Variants in SALL2 observed in about 807,000 individuals in gnomAD.
SALL2 encodes the protein spalt like transcription factor 2, also known as sal-like protein 2.
SALL2 carries 32 observed loss-of-function variants against 58.5 expected under a neutral mutation model. That is an observed-to-expected ratio of 0.55 (90% CI 0.41 to 0.74). SALL2 has a LOEUF of 0.74. SALL2 is among the 30% of genes least tolerant of loss of function. The probability of loss-of-function intolerance (pLI) is 0.00; values close to 1 mark genes in which losing one functional copy is unlikely to be tolerated. For missense variants in SALL2, 1,201 were observed against 1,268.9 expected, an observed-to-expected ratio of 0.95 and a Z score of 0.81; for synonymous variants, 516 against 513.6, an observed-to-expected ratio of 1.00 and a Z score of -0.06.
chr14:21,525,101 C>G lies in SALL2; in HGVS notation c.621G>C (p.Leu207Phe), dbSNP rs1343979966. The G allele has an allele frequency of 6.8e-6, 11 of 1,614,138 alleles. No homozygotes were observed. Among genetic ancestry groups the G allele is most frequent in the Non-Finnish European group, 8.5e-6 (10 of 1,180,000 alleles). The change falls in exon 2 of 2, where the codon TTG (leucine) becomes TTC (phenylalanine). Residue 207 changes from leucine to phenylalanine, a missense_variant. Transcript: ENST00000537235. This position sits in a 1 kb window ranked among gnomAD's most constrained non-coding sequence, Gnocchi z 4.4. ...MTEQICRQVL[L>F]LGSLGQTVGA... is the part of the protein sequence containing the mutation. Reference sequence around the variant, plus strand: ...CCACCGTCTGGCCTAAGGAGCCAAGCAACAGCACCTGCCTGCAGATTTGCT... The same window carrying G: ...CCACCGTCTGGCCTAAGGAGCCAAGGAACAGCACCTGCCTGCAGATTTGCT...
upstream of SALL2, chr14:21,526,490 A>T: frequency 8.0e-7 from 1 of 1,246,204 alleles, no homozygotes; most frequent in East Asian, 4.3e-5. Flanking sequence ...AGGCGCAGTG[A>T]CAGGTGCTGT....
At chr14:21,532,760 GAGA>G (rs1892499094) in intron 1 of SALL2, among the ~76,000 whole-genome samples, 1 of 151,756 alleles carries the variant, frequency 6.6e-6, no homozygotes, top group South Asian at 2.1e-4. Context: ...TCAGGAGATC[GAGA>G]CCATCCTGGC....
chr14:21,522,907 T>G lies in SALL2; in HGVS notation c.2815A>C (p.Thr939Pro). ...KTHPKEGPLF[T>P]CVFCRQGFLE... ...AAGCCCTGCCTGCAGAAAACACAAG[T>G]GAAGAGCGGCCCCTCCTTGGGGTGG... The change falls in exon 2 of 2, where the codon ACT becomes CCT. Residue 939 changes from threonine to proline, a missense_variant. By Grantham distance (38) the Thr-to-Pro change is conservative. This residue lies in a region of SALL2 where 675 missense variants were observed against 683.8 expected (regional missense o/e 0.99). Transcript: ENST00000537235. 2 of 1,613,290 alleles carry G rather than the reference T, an allele frequency of 1.2e-6. No homozygotes were observed. The highest frequency in any genetic ancestry group is 2.2e-5 in the South Asian group (2 of 90,980).
At position 21,526,155 on chromosome 14, in the gene SALL2, G is replaced by T. The variant is rs768674450; in HGVS notation, c.-28C>A. Reference sequence around the variant, plus strand: ...TTGTGGGGGAAGTGGAGGGCCAGGTGGGGTGGGAGACAATGGATATTGGGA... The same window carrying T: ...TTGTGGGGGAAGTGGAGGGCCAGGTTGGGTGGGAGACAATGGATATTGGGA... On this transcript the variant is annotated 5_prime_UTR_variant, in exon 1 of 2. Transcript: ENST00000537235. 9 of 1,538,632 alleles carry T rather than the reference G, an allele frequency of 5.8e-6. No individual in the cohort carries two copies. Among genetic ancestry groups the T allele is most frequent in the Admixed American group, 1.9e-5 (1 of 51,316 alleles).
Position 21,526,041 on chromosome 14 carries a change from C to A in SALL2, c.67+20G>T, listed in dbSNP as rs963023597. The A allele has an allele frequency of 1.4e-5, 21 of 1,532,798 alleles. No individual in the cohort carries two copies. The highest frequency in any genetic ancestry group is 1.7e-5 in the Non-Finnish European group (20 of 1,144,380). 94.9% of individuals were successfully genotyped at this position (1,532,798 alleles called of 1,614,324 possible). A position where few individuals can be genotyped will look rare whatever the true frequency, so the allele number is the denominator to read the frequency against. ...CCCCTCCGCCCCCACCCCTGCCCAG[C>A]CCGACCGACCCTACCGCACCTCCGA... On this transcript the variant is annotated intron_variant, in intron 1 of 1. Coordinates refer to ENST00000537235, the MANE Select transcript of SALL2 (RefSeq NM_001364564.1).
At chr14:21,526,375 T>G (rs1594465076), upstream of SALL2, 202 of 950,244 alleles carry the variant, frequency 2.1e-4, no homozygotes, top group South Asian at 9.2e-4. Context: ...GGGGAGTTTA[T>G]GGGGAGGAGC....
chr14:21,523,779 T>C lies in SALL2; in HGVS notation c.1943A>G (p.Tyr648Cys). The change falls in exon 2 of 2, where the codon TAT becomes TGT. Residue 648 changes from tyrosine (Y) to cysteine (C), a missense_variant. Coordinates refer to ENST00000537235, the MANE Select transcript of SALL2 (RefSeq NM_001364564.1). This position sits in a 1 kb window ranked among gnomAD's most constrained non-coding sequence, Gnocchi z 4.4. ...GGGCCTCTCACCTCCATGTTGGCCA[T>C]AATGAAGGCGTAGGGCCCGAGGACA... Reference protein sequence around the residue: ...LSCPRALRLHYGQHGGERPFK... With the variant: ...LSCPRALRLHCGQHGGERPFK... 6.2e-7 allele frequency: 1 copy of C among 1,614,098 alleles called. No individual in the cohort carries two copies. Among genetic ancestry groups the C allele is most frequent in the Non-Finnish European group, 8.5e-7 (1 of 1,180,008 alleles).
rs1892098287 is a variant in SALL2, at chr14:21,522,907, T to C, written c.2815A>G (p.Thr939Ala). ...KTHPKEGPLFTCVFCRQGFLE... is the reference protein window; with the variant it reads ...KTHPKEGPLFACVFCRQGFLE... ...AAGCCCTGCCTGCAGAAAACACAAG[T>C]GAAGAGCGGCCCCTCCTTGGGGTGG... is the stretch of plus-strand genomic sequence containing the variant. The change falls in exon 2 of 2, where the codon ACT (threonine) becomes GCT (alanine). Residue 939 changes from threonine to alanine, a missense_variant. Thr to Ala is a moderately conservative substitution (Grantham distance 58). Around this residue, in one of 3 missense-constraint regions of SALL2, gnomAD observed 675 missense variants for 683.8 expected, o/e 0.99. Transcript: ENST00000537235. 1 of 1,613,290 alleles carries C rather than the reference T, an allele frequency of 6.2e-7. No individual in the cohort carries two copies. Among genetic ancestry groups the C allele is most frequent in the Admixed American group, 1.7e-5 (1 of 59,894 alleles).
In SALL2 at chr14:21,526,119, G is replaced by T; in HGVS notation, c.9C>A (p.His3Gln). 6.5e-7 allele frequency: 1 copy of T among 1,540,828 alleles called. No individual in the cohort carries two copies. Among genetic ancestry groups the T allele is most frequent in the Non-Finnish European group, 8.7e-7 (1 of 1,149,638 alleles). The change falls in exon 1 of 2, where the codon CAC becomes CAA. Residue 3 changes from histidine (H) to glutamine (Q), a missense_variant. By Grantham distance (24) the His-to-Gln change is conservative. Transcript: ENST00000537235. ...CGAGACGAGAGCTCCTCTCGGATTCGTGCGCCATGGTTGTGGGGGAAGTGG... is the reference window on the plus strand; with the variant it reads ...CGAGACGAGAGCTCCTCTCGGATTCTTGCGCCATGGTTGTGGGGGAAGTGG... Reference protein sequence around the residue: MAHESERSSRLGV... With the variant: MAQESERSSRLGV...
Position 21,524,916 on chromosome 14 carries a change from T to C in SALL2, c.806A>G (p.Lys269Arg), listed in dbSNP as rs1381611560. ...GTGGTAAAGGTGGAAGAAGGCCTGC[T>C]TGGGCGTTTCTGCCCCTGAAGAGGA... ...SSSSSGAETP[K>R]QAFFHLYHPL... The change falls in exon 2 of 2, where the codon AAG becomes AGG. Residue 269 changes from lysine (K) to arginine (R), a missense_variant. Transcript: ENST00000537235. 1 of 1,614,198 alleles carries C rather than the reference T, an allele frequency of 6.2e-7. No individual in the cohort carries two copies. Among genetic ancestry groups the C allele is most frequent in the Admixed American group, 1.7e-5 (1 of 60,024 alleles).
chr14:21,528,684 G>A (rs1330448099), upstream of SALL2, among the ~76,000 whole-genome samples: 2 of 152,144 alleles, frequency 1.3e-5, no homozygotes, highest in Non-Finnish European at 2.9e-5. Flanking sequence ...GAGGTTAAGT[G>A]ACTTTTCCAA....
chr14:21,536,369 C>T (rs1892595969), intron 1 of SALL2, among the ~76,000 whole-genome samples: 1 of 152,202 alleles, frequency 6.6e-6, no homozygotes. Context: ...GAGCTCTGAT[C>T]GGCTCTCAGT....
In SALL2 at chr14:21,521,949, A is replaced by C. The variant is rs1350174806; in HGVS notation, c.*755T>G. On this transcript the variant is annotated 3_prime_UTR_variant, in exon 2 of 2. Transcript: ENST00000537235. ...CTAGGGTTGGGTCACCAATTACTGG[A>C]GCATCTTCAGTACCGGCACCTTCTG... The C allele has an allele frequency of 2.7e-5, 40 of 1,494,348 alleles. No homozygotes were observed. Among genetic ancestry groups the C allele is most frequent in the African/African-American group, 4.2e-5 (3 of 72,230 alleles). The allele number at this position is 1,494,348 out of a possible 1,614,324, so 92.6% of individuals were successfully genotyped here.
At position 21,521,901 on chromosome 14, in the gene SALL2, C is replaced by T. The variant is rs1359662601; in HGVS notation, c.*803G>A. 10 of 1,378,178 alleles carry T rather than the reference C, an allele frequency of 7.3e-6. No homozygotes were observed. Among genetic ancestry groups the T allele is most frequent in the African/African-American group, 5.8e-5 (4 of 68,936 alleles). 85.4% of individuals were successfully genotyped at this position (1,378,178 alleles called of 1,614,324 possible). On this transcript the variant is annotated 3_prime_UTR_variant, in exon 2 of 2. Coordinates refer to ENST00000537235, the MANE Select transcript of SALL2 (RefSeq NM_001364564.1). Reference sequence around the variant, plus strand: ...TTTACTGGGAAAATTTTCCTATGCCCTTCCTTCATTTCTCCCTACTTCCTA... The same window carrying T: ...TTTACTGGGAAAATTTTCCTATGCCTTTCCTTCATTTCTCCCTACTTCCTA...
rs759825832 is a variant in SALL2 at position 21,523,372 on chromosome 14, T to G, written c.2350A>C (p.Arg784=). Residue 784 remains arginine (R), a synonymous_variant, in exon 2 of 2, where the codon AGA becomes CGA. Coordinates refer to ENST00000537235, the MANE Select transcript of SALL2 (RefSeq NM_001364564.1). This position sits in a 1 kb window ranked among gnomAD's most constrained non-coding sequence, Gnocchi z 4.4. ...TTCTCACCTCCACTCTCTGAGCCTC[T>G]CCCTGCCAGGGAATCTTCATCAGTC... is the stretch of plus-strand genomic sequence containing the variant. ...DVTDEDSLAG[R]GSESGGEKAI... The G allele has an allele frequency of 3.0e-5, 49 of 1,613,554 alleles. No individual in the cohort carries two copies. Among genetic ancestry groups the G allele is most frequent in the Non-Finnish European group, 4.2e-5 (49 of 1,180,024 alleles).
Position 21,523,839 on chromosome 14 carries a change from G to A in SALL2, c.1883C>T (p.Pro628Leu), listed in dbSNP as rs765899650. Reference sequence around the variant, plus strand: ...TCGGAGACAGATGACACACTGGTTAGGTCCAGAAGAGGCTGAGGATGAAGG... The same window carrying A: ...TCGGAGACAGATGACACACTGGTTAAGTCCAGAAGAGGCTGAGGATGAAGG... ...PAPSSSASSGPNQCVICLRVL... is the reference protein window; with the variant it reads ...PAPSSSASSGLNQCVICLRVL... Residue 628 changes from proline to leucine, a missense_variant, in exon 2 of 2, where the codon CCT becomes CTT. By Grantham distance (98) the Pro-to-Leu change is moderately conservative. Around this residue, in one of 3 missense-constraint regions of SALL2, gnomAD observed 675 missense variants for 683.8 expected, o/e 0.99. Transcript: ENST00000537235. The surrounding 1 kb of genome is among the most constrained non-coding windows in gnomAD (Gnocchi z 4.4). 1.2e-6 allele frequency: 2 copies of A among 1,614,230 alleles called. No homozygotes were observed. Among genetic ancestry groups the A allele is most frequent in the South Asian group, 2.2e-5 (2 of 91,084 alleles).
In SALL2 at chr14:21,537,020, GC is replaced by G; in HGVS notation, c.-173del. 3.3e-6 allele frequency: 3 copies of G among 918,796 alleles called. No homozygotes were observed. In the Admixed American group the frequency reaches 5.4e-5, roughly 17 times the overall value. 56.9% of individuals were successfully genotyped at this position (918,796 alleles called of 1,614,324 possible). A position where few individuals can be genotyped will look rare whatever the true frequency, so the allele number is the denominator to read the frequency against. On this transcript the variant is annotated 5_prime_UTR_variant, in exon 1 of 2. Transcript: ENST00000541965. ...CCCCTTGGGTCCGAAGCCAATTGAT[GC>G]CTCTCCCCCAGCGCAAATCACTGTG...
chr14:21,524,294 C>T lies in SALL2; in HGVS notation c.1428G>A (p.Val476=), dbSNP rs2139669323. 1 of 1,613,926 alleles carries T rather than the reference C, an allele frequency of 6.2e-7. No homozygotes were observed. Among genetic ancestry groups the T allele is most frequent in the Non-Finnish European group, 8.5e-7 (1 of 1,179,920 alleles). ...PGGGVERKPL[V]ASTTALSATE... Reference sequence around the variant, plus strand: ...TGGCACTGAGTGCTGTTGTGGAGGCCACCAGAGGCTTGCGCTCAACCCCTC... The same window carrying T: ...TGGCACTGAGTGCTGTTGTGGAGGCTACCAGAGGCTTGCGCTCAACCCCTC... The change falls in exon 2 of 2, where the codon GTG becomes GTA. Residue 476 remains valine, a synonymous_variant. Transcript: ENST00000537235.
At chr14:21,534,190 C>T (rs1035887238) in intron 1 of SALL2, among the ~76,000 whole-genome samples, 11 of 151,934 alleles carry the variant, frequency 7.2e-5, no homozygotes, top group Non-Finnish European at 1.3e-4. Context: ...CTTATAAGAT[C>T]CAGGAGGAAT....
Sources: allele counts gnomAD v4.1 joint callset (sites outside exome capture counted in the v4.1 genomes callset), GRCh38; gene constraint gnomAD v4.1.1; regional missense constraint gnomAD v4.1.1; non-coding constraint Gnocchi (gnomAD v3.1); transcripts MANE v1.5; gene names NCBI Gene and HGNC (gene_info 2026-07-23, HGNC 2026-07-21).